Variants in ARHGAP42 observed in about 807,000 individuals in gnomAD.
The protein encoded by ARHGAP42 is rho GTPase-activating protein 42.
Under a neutral mutation model 125.0 loss-of-function variants are expected in ARHGAP42, and 63 were observed. That is an observed-to-expected ratio of 0.50 (90% CI 0.41 to 0.62). The LOEUF is 0.62. Ranked by LOEUF, ARHGAP42 falls within the 20% of genes least tolerant of loss-of-function variation. The pLI is 0.00. For synonymous variants in ARHGAP42, 339 were observed against 351.0 expected, an observed-to-expected ratio of 0.97 and a Z score of 0.38; for missense variants, 766 against 1,024.2, an observed-to-expected ratio of 0.75 and a Z score of 3.44.
At chr11:100,986,454 A>C (rs550460803) in intron 22 of ARHGAP42, 1 of 195,970 alleles carries the variant, frequency 5.1e-6, no homozygotes, top group African/African-American at 2.4e-5. Flanking sequence ...AGGGGAGACC[A>C]CCCGGCACCT....
rs1026340381 is a variant in ARHGAP42 at position 100,965,674 on chromosome 11, C to A, written c.1448C>A (p.Ser483Tyr). The A allele has an allele frequency of 1.3e-6, 2 of 1,549,816 alleles. No individual in the cohort carries two copies. The highest frequency in any genetic ancestry group is 1.7e-6 in the Non-Finnish European group (2 of 1,146,738). ...LHKDFIIAVK[S>Y]DDQNYRVEAV... ...TGCAATCTTTTTTATGTAACAGAAT[C>A]TGATGATCAAAACTACAGGGTGGAG... The change falls in exon 17 of 24, where the codon TCT (serine) becomes TAT (tyrosine). Residue 483 changes from serine to tyrosine, a missense_variant. Physicochemically the swap from Ser to Tyr is moderately radical, Grantham distance 144. Around this residue, in one of 3 missense-constraint regions of ARHGAP42, gnomAD observed 455 missense variants for 636.5 expected, o/e 0.71. Transcript: ENST00000298815.
chr11:100,954,436 G>C (rs996161935), intron 12 of ARHGAP42, among the ~76,000 whole-genome samples: 1 of 152,278 alleles, frequency 6.6e-6, no homozygotes, highest in Middle Eastern at 3.4e-3. Context: ...ACAGAAGATA[G>C]TCTTGAAATT....
At chr11:100,933,638 A>G (rs1867646560) in intron 7 of ARHGAP42, among the ~76,000 whole-genome samples, 1 of 152,212 alleles carries the variant, frequency 6.6e-6, no homozygotes, top group African/African-American at 2.4e-5. Context: ...GGTGATTGAT[A>G]TATTAATTAA....
At chr11:100,786,973 T>G (rs1362990851) in intron 2 of ARHGAP42, among the ~76,000 whole-genome samples, 1 of 152,104 alleles carries the variant, frequency 6.6e-6, no homozygotes, top group African/African-American at 2.4e-5. Context: ...TCATGAAGTC[T>G]GTTGGTTTAA....
rs115922331 is a variant in ARHGAP42 at position 100,942,156 on chromosome 11, G to A, written c.933+272G>A. Among the ~76,000 whole-genome samples, 1,174 of 152,182 alleles carry A rather than the reference G, an allele frequency of 7.7e-3. 19 individuals are homozygous for A. Among genetic ancestry groups the A allele is most frequent in the African/African-American group, 0.027 (1,122 of 41,514 alleles). ...TACAGAGGTGTCATCTCACATTTCC[G>A]GCAGCAGAGTTATTTGTCTATGCTG... On this transcript the variant is annotated intron_variant, in intron 9 of 23. Transcript: ENST00000298815.
At chr11:100,715,693 T>G (rs951451907) in intron 1 of ARHGAP42, among the ~76,000 whole-genome samples, 72 of 152,316 alleles carry the variant, frequency 4.7e-4, no homozygotes, top group African/African-American at 1.6e-3. Context: ...GTGATACTGG[T>G]GCATAGTATT....
In ARHGAP42 at chr11:100,992,412, C is replaced by A. The variant is rs762154278; in HGVS notation, c.*3611C>A. 18 of 1,613,996 alleles carry A rather than the reference C, an allele frequency of 1.1e-5. No individual in the cohort carries two copies. The highest frequency in any genetic ancestry group is 1.7e-5 in the Admixed American group (1 of 59,994). Reference sequence around the variant, plus strand: ...TGTCCAGAAGTTACTTTCCCCTTGACTAAAGGTTTCCCCTTAGGGTACACA... The same window carrying A: ...TGTCCAGAAGTTACTTTCCCCTTGAATAAAGGTTTCCCCTTAGGGTACACA... On this transcript the variant is annotated 3_prime_UTR_variant, in exon 24 of 24. Transcript: ENST00000298815.
At chr11:100,779,493 C>CACACACAG (rs1863223442) in intron 2 of ARHGAP42, among the ~76,000 whole-genome samples, 1 of 72,156 alleles carries the variant, frequency 1.4e-5, no homozygotes, top group Non-Finnish European at 3.4e-5. Flanking sequence ...TATACACACA[C>CACACACAG]ACACATATAT....
chr11:100,957,123 T>TTATC (rs1857825130), intron 12 of ARHGAP42, among the ~76,000 whole-genome samples: 1 of 152,226 alleles, frequency 6.6e-6, no homozygotes, highest in East Asian at 1.9e-4. Context: ...GAAGATACTA[T>TTATC]TATCTTTATT....
intron 3 of ARHGAP42, among the ~76,000 whole-genome samples, chr11:100,859,001 T>C (rs1056779135): frequency 6.6e-6 from 1 of 152,102 alleles, no homozygotes; most frequent in East Asian, 1.9e-4. Context: ...GGCTAAAATA[T>C]GTTTTTATTG....
intron 3 of ARHGAP42, among the ~76,000 whole-genome samples, chr11:100,820,829 A>G (rs1184973301): frequency 6.6e-6 from 1 of 152,140 alleles, no homozygotes; most frequent in African/African-American, 2.4e-5. Context: ...GCTGTTCAAA[A>G]CAATGGAAAA....
chr11:100,976,731 T>C, intron 20 of ARHGAP42, 84 bp from the exon 21 acceptor site: 5 of 1,478,620 alleles, frequency 3.4e-6, no homozygotes, highest in Non-Finnish European at 4.5e-6. Flanking sequence ...AGAAAAATGC[T>C]TCCTTTTGTT....
At chr11:100,787,655 T>C (rs1863468163) in intron 2 of ARHGAP42, among the ~76,000 whole-genome samples, 1 of 152,072 alleles carries the variant, frequency 6.6e-6, no homozygotes. Context: ...ATAGCACAGA[T>C]TGGTGCCTGG....
chr11:100,829,596 G>T (rs1864617179), intron 3 of ARHGAP42, among the ~76,000 whole-genome samples: 1 of 152,102 alleles, frequency 6.6e-6, no homozygotes, highest in Non-Finnish European at 1.5e-5. Flanking sequence ...CCCCTAGGGT[G>T]GCCAGTGACT....
In ARHGAP42 at chr11:100,735,197, T is replaced by A. The variant is rs150512848; in HGVS notation, c.155-35146T>A. 3.1e-3 allele frequency among the ~76,000 whole-genome samples: 468 copies of A among 152,358 alleles called. 1 individual carries two copies. Among genetic ancestry groups the A allele is most frequent in the African/African-American group, 0.01 (418 of 41,590 alleles). The stretch of plus-strand genomic sequence containing the variant: ...CCCATCTTGCTCTGATTTTTTCCAG[T>A]TTTCTCTAGTACATATTCTTTTATG... On this transcript the variant is annotated intron_variant, in intron 1 of 23. Coordinates refer to ENST00000298815, the MANE Select transcript of ARHGAP42 (RefSeq NM_152432.4).
At chr11:100,880,936 A>G (rs940386005) in intron 4 of ARHGAP42, among the ~76,000 whole-genome samples, 5 of 111,276 alleles carry the variant, frequency 4.5e-5, no homozygotes, top group Non-Finnish European at 4.0e-5. Context: ...CCACTTTTTG[A>G]TAGGATTTTT....
chr11:100,958,244 T>C (rs1224969594), intron 12 of ARHGAP42, among the ~76,000 whole-genome samples: 1 of 151,160 alleles, frequency 6.6e-6, no homozygotes, highest in Non-Finnish European at 1.5e-5. Flanking sequence ...TGCTGGGCAT[T>C]TTGGGGTTAT....
chr11:100,822,091 G>T (rs1246008992), intron 3 of ARHGAP42, among the ~76,000 whole-genome samples: 1 of 151,950 alleles, frequency 6.6e-6, no homozygotes, highest in African/African-American at 2.4e-5. Context: ...ACCTAGGTAG[G>T]GTCAAGATCT....
intron 4 of ARHGAP42, among the ~76,000 whole-genome samples, chr11:100,874,884 T>G (rs1019719695): frequency 2.6e-5 from 4 of 152,198 alleles, no homozygotes; most frequent in African/African-American, 9.7e-5. Flanking sequence ...CTGTGCTGTC[T>G]TTAACAGTTC....
Sources: allele counts gnomAD v4.1 joint callset (sites outside exome capture counted in the v4.1 genomes callset), GRCh38; gene constraint gnomAD v4.1.1; regional missense constraint gnomAD v4.1.1; transcripts MANE v1.5; gene names NCBI Gene and HGNC (gene_info 2026-07-23, HGNC 2026-07-21).